NLGN4X: variants seen among roughly 807,000 people sequenced by gnomAD.
NLGN4X encodes neuroligin-4, X-linked.
In NLGN4X, 3 loss-of-function variants were observed where a neutral mutation model predicts 40.3. That is an observed-to-expected ratio of 0.07 (90% confidence interval 0.03 to 0.19). NLGN4X has a LOEUF of 0.19. Ranked by LOEUF, NLGN4X falls within the 10% of genes least tolerant of loss-of-function variation. NLGN4X has a pLI of 1.00. For missense variants in NLGN4X, 382 were observed against 708.3 expected (o/e 0.54, Z 5.23); for synonymous variants, 270 against 306.8 (o/e 0.88, Z 1.25).
At chrX:6,180,726 TA>T (rs1297639802) in intron 1 of NLGN4X, among the ~76,000 whole-genome samples, 16 of 108,800 alleles carry the variant, frequency 1.5e-4, no homozygotes, top group Non-Finnish European at 2.5e-4. Context: ...AGAACTGTAC[TA>T]AAAAAAAATG....
chrX:6,097,927 A>C (rs1035667413), intron 2 of NLGN4X, among the ~76,000 whole-genome samples: 2 of 112,586 alleles, frequency 1.8e-5, no homozygotes, highest in African/African-American at 3.2e-5. Context: ...GGAAGAAAAA[A>C]AAAAGTAAAA....
chrX:6,214,087 G>C (rs1375700600), intron 1 of NLGN4X, among the ~76,000 whole-genome samples: 1 of 111,683 alleles, frequency 9.0e-6, no homozygotes, highest in Non-Finnish European at 1.9e-5. Context: ...AAAGCATCTC[G>C]ATAAAAGCTG....
chrX:6,142,052 A>G (rs919501147), intron 2 of NLGN4X, among the ~76,000 whole-genome samples: 1 of 111,393 alleles, frequency 9.0e-6, no homozygotes. Context: ...AATTTCTAAA[A>G]AAAAATTCTT....
At chrX:5,894,342 ATT>A (rs2031371955) in intron 5 of NLGN4X, among the ~76,000 whole-genome samples, 1 of 112,769 alleles carries the variant, frequency 8.9e-6, no homozygotes, top group African/African-American at 3.2e-5. Flanking sequence ...GAAAATTGAT[ATT>A]AACAGTAGAA....
intron 3 of NLGN4X, among the ~76,000 whole-genome samples, chrX:5,969,440 C>T (rs1279990812): frequency 6.3e-5 from 7 of 111,644 alleles, no homozygotes; most frequent in Admixed American, 9.5e-5. Flanking sequence ...TCATCACTGG[C>T]CACCAGAGAA....
intron 3 of NLGN4X, among the ~76,000 whole-genome samples, chrX:5,932,926 A>G (rs999109771): frequency 9.0e-6 from 1 of 111,536 alleles, no homozygotes; most frequent in Non-Finnish European, 1.9e-5. Context: ...TTACTAAGAA[A>G]TTTAAGAACA....
At chrX:6,056,578 G>A (rs772322785) in intron 2 of NLGN4X, among the ~76,000 whole-genome samples, 190 of 112,260 alleles carry the variant, frequency 1.7e-3, no homozygotes, top group African/African-American at 5.5e-3. Context: ...CTTTCTATCA[G>A]AATTGTCTAG....
intron 2 of NLGN4X, among the ~76,000 whole-genome samples, chrX:6,117,489 T>C (rs919110945): frequency 4.5e-5 from 5 of 111,171 alleles, no homozygotes; most frequent in Non-Finnish European, 7.5e-5. Flanking sequence ...GTCCCATCTG[T>C]TAACCTGAGT....
At chrX:6,017,504 C>A (rs1189636839) in intron 3 of NLGN4X, among the ~76,000 whole-genome samples, 1 of 111,450 alleles carries the variant, frequency 9.0e-6, no homozygotes, top group Non-Finnish European at 1.9e-5. Context: ...GGTGGGGTAG[C>A]CTCCATGTGT....
intron 2 of NLGN4X, among the ~76,000 whole-genome samples, chrX:6,125,096 C>T (rs905316004): frequency 8.9e-6 from 1 of 112,083 alleles, no homozygotes; most frequent in African/African-American, 3.2e-5. Context: ...AGTGATAGTT[C>T]AAATGTCACA....
chrX:6,080,474 G>A (rs2038319931), intron 2 of NLGN4X, among the ~76,000 whole-genome samples: 1 of 111,989 alleles, frequency 8.9e-6, no homozygotes, highest in African/African-American at 3.2e-5. Context: ...GGGAGTCCAT[G>A]ACTGTCAGTT....
intron 3 of NLGN4X, among the ~76,000 whole-genome samples, chrX:5,924,717 G>T (rs1335439670): frequency 1.8e-5 from 2 of 111,906 alleles, no homozygotes; most frequent in East Asian, 5.6e-4. Context: ...ACCTGGATGG[G>T]ACTGGAGACT....
chrX:5,932,505 G>T (rs964060081), intron 3 of NLGN4X, among the ~76,000 whole-genome samples: 1 of 111,641 alleles, frequency 9.0e-6, no homozygotes, highest in African/African-American at 3.3e-5. Context: ...GATCAATGAA[G>T]AAATTACAAT....
intron 2 of NLGN4X, among the ~76,000 whole-genome samples, chrX:6,141,267 G>T (rs2039942546): frequency 9.0e-6 from 1 of 111,548 alleles, no homozygotes; most frequent in Admixed American, 9.6e-5. Flanking sequence ...CAACAGTCTA[G>T]TAAGATCGGA....
intron 2 of NLGN4X, among the ~76,000 whole-genome samples, chrX:6,072,879 G>T (rs908000584): frequency 8.9e-6 from 1 of 112,074 alleles, no homozygotes; most frequent in Non-Finnish European, 1.9e-5. Context: ...CAGACCAGCA[G>T]CCCGAATTAA....
chrX:6,228,317 C>A (rs1926562633), intron 1 of NLGN4X, among the ~76,000 whole-genome samples: 1 of 111,614 alleles, frequency 9.0e-6, no homozygotes, highest in Non-Finnish European at 1.9e-5. Context: ...GGTCTACACT[C>A]CCACCCACAC....
rs191458582 is a variant in NLGN4X, at chrX:6,207,693, T to C, written c.-306+20848A>G. On this transcript the variant is annotated intron_variant, in intron 1 of 5. Coordinates refer to ENST00000381095, the MANE Select transcript of NLGN4X (RefSeq NM_181332.3). ...ATCTCCCAGACTTTTAGAAATTTGA[T>C]ATGGAGTGAAAGTTGGTGCTTCAAA... 7.1e-5 allele frequency among the ~76,000 whole-genome samples: 8 copies of C among 112,269 alleles called. No homozygotes were observed. The East Asian group carries it at 2.2e-3, about 31-fold the overall frequency.
intron 3 of NLGN4X, among the ~76,000 whole-genome samples, chrX:5,943,014 A>C (rs974092201): frequency 2.8e-4 from 31 of 111,926 alleles, no homozygotes; most frequent in African/African-American, 8.8e-4. Context: ...TGTCAAGATA[A>C]GCTGATTATC....
chrX:6,008,041 G>T (rs771924146), intron 3 of NLGN4X, among the ~76,000 whole-genome samples: 1 of 111,981 alleles, frequency 8.9e-6, no homozygotes, highest in East Asian at 2.8e-4. Flanking sequence ...CACTTTTAAA[G>T]AGAGCATCCC....
Sources: allele counts gnomAD v4.1 joint callset (sites outside exome capture counted in the v4.1 genomes callset), GRCh38; gene constraint gnomAD v4.1.1; transcripts MANE v1.5; gene names NCBI Gene and HGNC (gene_info 2026-07-23, HGNC 2026-07-21).